SALL3: variants seen among roughly 807,000 people sequenced by gnomAD.
SALL3 encodes the protein sal-like protein 3.
Under a neutral mutation model 66.2 loss-of-function variants are expected in SALL3, and 25 were observed. The ratio of observed to expected loss-of-function variants is 0.38; its 90% confidence interval spans 0.28 to 0.53. The LOEUF is 0.53. Among genes scored for constraint, SALL3 ranks in the 20% least tolerant of loss-of-function variants. The pLI, the probability that SALL3 is intolerant of heterozygous loss-of-function variation, is 0.85. For missense variants in SALL3, 2,194 were observed against 1,916.5 expected, an observed-to-expected ratio of 1.14 and a Z score of -2.70; for synonymous variants, 1,152 against 899.1, an observed-to-expected ratio of 1.28 and a Z score of -5.03.
rs765530573 is a variant in SALL3, at chr18:78,995,105, C to T, written c.3114C>T (p.Asp1038=). 6.8e-6 allele frequency: 11 copies of T among 1,613,774 alleles called. No homozygotes were observed. The highest frequency in any genetic ancestry group is 3.3e-5 in the Admixed American group (2 of 60,010). The part of the protein sequence containing the change: ...RLKELPSQLF[D]PNFALGPSQS... ...AAGAGCTGCCTTCTCAGTTATTTGA[C>T]CCCAACTTTGCTCTAGGTCCCAGCC... is the stretch of plus-strand genomic sequence containing the variant. Residue 1038 remains aspartate (D), a synonymous_variant, in exon 2 of 3, where the codon GAC becomes GAT. Coordinates refer to ENST00000537592, the MANE Select transcript of SALL3 (RefSeq NM_171999.4).
At chr18:78,980,733 G>T (rs1914020811) in intron 1 of SALL3, among the ~76,000 whole-genome samples, 1 of 151,792 alleles carries the variant, frequency 6.6e-6, no homozygotes, top group East Asian at 2.0e-4. Flanking sequence ...GGCCGGCGGC[G>T]GCGGGGAAGG....
intron 2 of SALL3, 76 bp from the exon 3 acceptor site, chr18:78,996,815 T>C (rs1400968277): frequency 6.9e-7 from 1 of 1,450,016 alleles, no homozygotes; most frequent in Non-Finnish European, 9.3e-7. Context: ...GACCTCTGTC[T>C]GCTGCGCTGG....
rs1913958003 is a variant in SALL3 at position 78,980,178 on chromosome 18, C to T, written c.-97C>T. ...CCCGCGCAGCCGCCGCCGCCCCGCG[C>T]CCCGCGCCGCGCGCCCGCCAGGCCG... On this transcript the variant is annotated 5_prime_UTR_variant, in exon 1 of 3. Coordinates refer to ENST00000537592, the MANE Select transcript of SALL3 (RefSeq NM_171999.4). 22 of 330,944 alleles carry T rather than the reference C, an allele frequency of 6.6e-5. 1 individual carries two copies. Among genetic ancestry groups the T allele is most frequent in the Non-Finnish European group, 9.4e-5 (22 of 235,128 alleles). 20.5% of individuals were successfully genotyped at this position (330,944 alleles called of 1,614,324 possible).
rs1265598400 is a variant in SALL3 at position 78,992,059 on chromosome 18, C to G, written c.83-15C>G. On this transcript the variant is annotated splice_polypyrimidine_tract_variant and intron_variant, in intron 1 of 2. Coordinates refer to ENST00000537592, the MANE Select transcript of SALL3 (RefSeq NM_171999.4). ...GGCGCCGAGCCCCGGCTGACTCACT[C>G]TCTTGGTCTTGCAGCCGCCCCGGGG... 6 of 1,448,998 alleles carry G rather than the reference C, an allele frequency of 4.1e-6. No individual in the cohort carries two copies. Among genetic ancestry groups the G allele is most frequent in the African/African-American group, 1.5e-5 (1 of 68,644 alleles). 89.8% of individuals were successfully genotyped at this position (1,448,998 alleles called of 1,614,324 possible). A position where few individuals can be genotyped will look rare whatever the true frequency, so the allele number is the denominator to read the frequency against.
intron 1 of SALL3, among the ~76,000 whole-genome samples, chr18:78,991,406 C>T (rs373786081): frequency 1.4e-5 from 2 of 147,202 alleles, no homozygotes; most frequent in African/African-American, 2.5e-5. Flanking sequence ...ACTGCTCTGT[C>T]GCTCTGAGTT....
In SALL3 at chr18:78,992,982, A is replaced by C; in HGVS notation, c.991A>C (p.Ser331Arg). ...CCCCGCCCCGGCGCCAGCGCCGCAG[A>C]GCGCAGCCTCGTCGCAGCCGCAGAG... ...AAPAPAPAPQ[S>R]AASSQPQSAS... The change falls in exon 2 of 3, where the codon AGC becomes CGC. Residue 331 changes from serine to arginine, a missense_variant. By Grantham distance (110) the Ser-to-Arg change is moderately radical (BLOSUM62 -1). Transcript: ENST00000537592. 3 of 1,391,472 alleles carry C rather than the reference A, an allele frequency of 2.2e-6. No individual in the cohort carries two copies. In the South Asian group the frequency reaches 4.8e-5, roughly 22 times the overall value. The allele number at this position is 1,391,472 out of a possible 1,614,324, so 86.2% of individuals were successfully genotyped here.
In SALL3 at chr18:78,997,173, C is replaced by T. The variant is rs138463518; in HGVS notation, c.3754C>T (p.Pro1252Ser). ...PVSLGGSALP[P>S]LGSMASGMDK... is the part of the protein sequence containing the mutation. ...GAGTCTTGGGGGCAGCGCCCTCCCCCCTCTGGGCAGCATGGCCAGTGGGAT... is the reference window on the plus strand; with the variant it reads ...GAGTCTTGGGGGCAGCGCCCTCCCCTCTCTGGGCAGCATGGCCAGTGGGAT... Residue 1252 changes from proline (P) to serine (S), a missense_variant, in exon 3 of 3, where the codon CCT becomes TCT. Physicochemically the swap from Pro to Ser is moderately conservative, Grantham distance 74. Coordinates refer to ENST00000537592, the MANE Select transcript of SALL3 (RefSeq NM_171999.4). 25 of 1,613,940 alleles carry T rather than the reference C, an allele frequency of 1.5e-5. No individual in the cohort carries two copies. The highest frequency in any genetic ancestry group is 2.7e-5 in the African/African-American group (2 of 74,948).
intron 1 of SALL3, among the ~76,000 whole-genome samples, chr18:78,981,911 T>C (rs1416009264): frequency 2.6e-5 from 4 of 152,344 alleles, no homozygotes; most frequent in African/African-American, 9.6e-5. Flanking sequence ...AGAACTACAT[T>C]GCGTCCCAGT....
chr18:78,992,025 C>G, intron 1 of SALL3, 49 bp from the exon 2 acceptor site: 6 of 1,363,206 alleles, frequency 4.4e-6, no homozygotes, highest in Non-Finnish European at 5.7e-6. Flanking sequence ...AATTTTGAGA[C>G]GGAGGGCGGG....
At position 78,993,177 on chromosome 18, in the gene SALL3, C is replaced by T; in HGVS notation, c.1186C>T (p.His396Tyr). 6.2e-7 allele frequency: 1 copy of T among 1,609,610 alleles called. No individual in the cohort carries two copies. The highest frequency in any genetic ancestry group is 8.5e-7 in the Non-Finnish European group (1 of 1,178,844). ...GGACCCGCTGTCCGCGCTCATGAAGCACCGCAAGGGCAAGCCGCCCAATGT... is the reference window on the plus strand; with the variant it reads ...GGACCCGCTGTCCGCGCTCATGAAGTACCGCAAGGGCAAGCCGCCCAATGT... ...ALDPLSALMKHRKGKPPNVSV... is the reference protein window; with the variant it reads ...ALDPLSALMKYRKGKPPNVSV... Residue 396 changes from histidine (H) to tyrosine (Y), a missense_variant, in exon 2 of 3, where the codon CAC (histidine) becomes TAC (tyrosine). Transcript: ENST00000537592.
In SALL3 at chr18:78,993,847, C is replaced by T. The variant is rs1181296647; in HGVS notation, c.1856C>T (p.Ala619Val). ...GCTCCCGTGGGCGCGCAGGCTAGCG[C>T]TGCACCCACATCGGTGGACGGCGCA... ...GDAPVGAQAS[A>V]APTSVDGAPT... The change falls in exon 2 of 3, where the codon GCT becomes GTT. Residue 619 changes from alanine to valine, a missense_variant. Ala to Val is a moderately conservative substitution (Grantham distance 64). Coordinates refer to ENST00000537592, the MANE Select transcript of SALL3 (RefSeq NM_171999.4). 1.3e-6 allele frequency: 2 copies of T among 1,561,508 alleles called. No individual in the cohort carries two copies. Among genetic ancestry groups the T allele is most frequent in the Non-Finnish European group, 1.7e-6 (2 of 1,155,410 alleles).
At chr18:78,992,017 T>C in intron 1 of SALL3, 57 bp from the exon 2 acceptor site, 1 of 1,354,236 alleles carries the variant, frequency 7.4e-7, no homozygotes, top group Non-Finnish European at 9.6e-7. Context: ...TCGTGCAAAA[T>C]TTTGAGACGG....
rs753753227 is a variant in SALL3 at position 78,997,196 on chromosome 18, G to A, written c.3777G>A (p.Gly1259=). Residue 1259 remains glycine (G), a synonymous_variant, in exon 3 of 3, where the codon GGG becomes GGA. Transcript: ENST00000537592. ...CCCCTCTGGGCAGCATGGCCAGTGG[G>A]ATGGACAAAGCACGCACTGGCAGTA... ...ALPPLGSMAS[G]MDKARTGSSP... The A allele has an allele frequency of 4.3e-6, 7 of 1,614,012 alleles. No individual in the cohort carries two copies. The highest frequency in any genetic ancestry group is 5.9e-6 in the Non-Finnish European group (7 of 1,180,030).
rs959247861 is a variant in SALL3, at chr18:78,992,927, C to T, written c.936C>T (p.Ala312=). ...PGGPAEPSAP[A]APSAAPAPAA... ...GCCCTGCGGAGCCCAGCGCGCCCGC[C>T]GCCCCCAGCGCCGCCCCTGCCCCCG... Residue 312 remains alanine (A), a synonymous_variant, in exon 2 of 3, where the codon GCC becomes GCT. Coordinates refer to ENST00000537592, the MANE Select transcript of SALL3 (RefSeq NM_171999.4). 11 of 1,007,938 alleles carry T rather than the reference C, an allele frequency of 1.1e-5. No homozygotes were observed. The African/African-American group carries it at 1.2e-4, about 11-fold the overall frequency. 62.4% of individuals were successfully genotyped at this position (1,007,938 alleles called of 1,614,324 possible). A position where few individuals can be genotyped will look rare whatever the true frequency, so the allele number is the denominator to read the frequency against.
chr18:78,994,267 G>A lies in SALL3; in HGVS notation c.2276G>A (p.Arg759His), dbSNP rs1213859896. Residue 759 changes from arginine to histidine, a missense_variant, in exon 2 of 3, where the codon CGC becomes CAC. Coordinates refer to ENST00000537592, the MANE Select transcript of SALL3 (RefSeq NM_171999.4). Reference sequence around the variant, plus strand: ...GCCGTGGTCCTGCAGCAGCACATCCGCATGCACATGGGCGGCCAGATCCCC... The same window carrying A: ...GCCGTGGTCCTGCAGCAGCACATCCACATGCACATGGGCGGCCAGATCCCC... ...TNAVVLQQHI[R>H]MHMGGQIPNT... 3.1e-6 allele frequency: 5 copies of A among 1,613,644 alleles called. No homozygotes were observed. The highest frequency in any genetic ancestry group is 2.7e-5 in the African/African-American group (2 of 74,948).
rs150488598 is a variant in SALL3, at chr18:78,982,925, CAG to C, written c.82+2573_82+2574del. Among the ~76,000 whole-genome samples, 618 of 152,216 alleles carry C rather than the reference CAG, an allele frequency of 4.1e-3. 4 individuals are homozygous for C. The highest frequency in any genetic ancestry group is 0.013 in the African/African-American group (556 of 41,526). On this transcript the variant is annotated intron_variant, in intron 1 of 2. Transcript: ENST00000537592. Reference sequence around the variant, plus strand: ...CAAAAATGTTTAGTATAATGGGGGACAGAGATGCACTCACATTAATTTACAGC... The same window carrying C: ...CAAAAATGTTTAGTATAATGGGGGACAGATGCACTCACATTAATTTACAGC...
At position 78,979,938 on chromosome 18, in the gene SALL3, G is replaced by C. The variant is rs1261908129; in HGVS notation, c.-337G>C. ...GCCGCACCCGGGGCGGCCGAGGAGC[G>C]CGGCGCCGGAGCCCGCGATGTGAGG... On this transcript the variant is annotated 5_prime_UTR_variant, in exon 1 of 3. Coordinates refer to ENST00000537592, the MANE Select transcript of SALL3 (RefSeq NM_171999.4). Among the ~76,000 whole-genome samples, 2 of 144,290 alleles carry C rather than the reference G, an allele frequency of 1.4e-5. No individual in the cohort carries two copies. Among genetic ancestry groups the C allele is most frequent in the Non-Finnish European group, 3.1e-5 (2 of 65,096 alleles). The allele number at this position is 144,290 out of a possible 152,430, so 94.7% of individuals were successfully genotyped here.
At chr18:78,991,418 G>T (rs1384580941) in intron 1 of SALL3, among the ~76,000 whole-genome samples, 1 of 150,898 alleles carries the variant, frequency 6.6e-6, no homozygotes, top group Non-Finnish European at 1.5e-5. Flanking sequence ...CTCTGAGTTG[G>T]CGGAGATTGT....
In SALL3 at chr18:78,980,246, C is replaced by T; in HGVS notation, c.-29C>T. 8.5e-7 allele frequency: 1 copy of T among 1,173,884 alleles called. No individual in the cohort carries two copies. 72.7% of individuals were successfully genotyped at this position (1,173,884 alleles called of 1,614,324 possible). ...CGGCCGCCCCGCTGATGCCGCTGCC[C>T]CGCGCGGGGCCCGAGCGCCGCTAGC... is the stretch of plus-strand genomic sequence containing the variant. On this transcript the variant is annotated 5_prime_UTR_variant, in exon 1 of 3. Coordinates refer to ENST00000537592, the MANE Select transcript of SALL3 (RefSeq NM_171999.4).
Sources: allele counts gnomAD v4.1 joint callset (sites outside exome capture counted in the v4.1 genomes callset), GRCh38; gene constraint gnomAD v4.1.1; transcripts MANE v1.5; gene names NCBI Gene and HGNC (gene_info 2026-07-23, HGNC 2026-07-21).